Variants in DYNC2H1 observed in about 807,000 individuals in gnomAD.
The protein encoded by DYNC2H1 is cytoplasmic dynein 2 heavy chain 1.
DYNC2H1 carries 410 observed loss-of-function variants against 570.0 expected under a neutral mutation model. The ratio of observed to expected loss-of-function variants is 0.72; its 90% CI spans 0.66 to 0.78. DYNC2H1 has a LOEUF of 0.78. Among genes scored for constraint, DYNC2H1 ranks in the 30% least tolerant of loss-of-function variants. The probability of loss-of-function intolerance (pLI) is 0.00; values close to 1 mark genes in which losing one functional copy is unlikely to be tolerated. For missense variants in DYNC2H1, 4,865 were observed against 5,046.4 expected (o/e 0.96, Z 1.09); for synonymous variants, 1,688 against 1,677.6 (o/e 1.01, Z -0.15).
chr11:103,304,288 CATAGTT>C lies in DYNC2H1; in HGVS notation c.11257-305_11257-300del, dbSNP rs143175468. 0.011 allele frequency among the ~76,000 whole-genome samples: 1,708 copies of C among 152,190 alleles called. 36 individuals carry two copies. Among genetic ancestry groups the C allele is most frequent in the African/African-American group, 0.039 (1,599 of 41,530 alleles). Reference sequence around the variant, plus strand: ...CTAAGTCTAGAGAGTTCTAGTCAATCATAGTTAGAGTAGATTAGTTTATACATTAGG... The same window carrying C: ...CTAAGTCTAGAGAGTTCTAGTCAATCAGAGTAGATTAGTTTATACATTAGG... On this transcript the variant is annotated intron_variant, in intron 76 of 88. Transcript: ENST00000375735.
chr11:103,163,761 C>T lies in DYNC2H1; in HGVS notation c.4611+614C>T, dbSNP rs1179972631. On this transcript the variant is annotated intron_variant, in intron 30 of 88. Transcript: ENST00000375735. The surrounding 1 kb of genome is among the most constrained non-coding windows in gnomAD (Gnocchi z 4.6). Reference sequence around the variant, plus strand: ...GGGCCAGACTGTTACAGGTGTAGGTCATCAGGAACTTTAGTTCTTAGGGAC... The same window carrying T: ...GGGCCAGACTGTTACAGGTGTAGGTTATCAGGAACTTTAGTTCTTAGGGAC... Among the ~76,000 whole-genome samples the T allele has an allele frequency of 2.0e-5, 3 of 152,086 alleles. No individual in the cohort carries two copies. The East Asian group carries it at 5.8e-4, about 29-fold the overall frequency.
chr11:103,154,397 C>T, intron 22 of DYNC2H1, 54 bp from the exon 23 acceptor site: 3 of 1,405,598 alleles, frequency 2.1e-6, no homozygotes, highest in South Asian at 2.8e-5. Flanking sequence ...TGATACTTAA[C>T]AGTATCAATA....
At chr11:103,197,191 G>A (rs1426186703) in intron 47 of DYNC2H1, among the ~76,000 whole-genome samples, 1 of 151,864 alleles carries the variant, frequency 6.6e-6, no homozygotes, top group Non-Finnish European at 1.5e-5. Context: ...CCTTTCTCAA[G>A]GAGAGTTTTG....
chr11:103,288,150 C>T (rs950473390), intron 75 of DYNC2H1, among the ~76,000 whole-genome samples: 2 of 152,116 alleles, frequency 1.3e-5, no homozygotes, highest in Non-Finnish European at 2.9e-5. Context: ...CAGACTCTTG[C>T]AGCCACAGGC....
intron 85 of DYNC2H1, among the ~76,000 whole-genome samples, chr11:103,437,499 G>C (rs1010807297): frequency 2.8e-5 from 3 of 106,568 alleles, no homozygotes; most frequent in African/African-American, 1.3e-4. Flanking sequence ...TGGATTGTAG[G>C]ATTGTTAAAG....
intron 39 of DYNC2H1, among the ~76,000 whole-genome samples, chr11:103,180,285 T>C (rs1861795535): frequency 6.6e-6 from 1 of 151,602 alleles, no homozygotes; most frequent in South Asian, 2.1e-4. Context: ...ATTACGCACC[T>C]GAGGAGAGAG....
Position 103,121,479 on chromosome 11 carries a change from C to T in DYNC2H1, c.1468C>T (p.Arg490Cys), listed in dbSNP as rs994934642. Residue 490 changes from arginine to cysteine, a missense_variant, in exon 10 of 89, where the codon CGC becomes TGC. By Grantham distance (180) the Arg-to-Cys change is radical. Coordinates refer to ENST00000375735, the MANE Select transcript of DYNC2H1 (RefSeq NM_001377.3). ...SEVVNSIVWVRQLELKVDDTI... is the reference protein window; with the variant it reads ...SEVVNSIVWVCQLELKVDDTI... ...AGTTGTCAACAGTATAGTTTGGGTT[C>T]GCCAGTTGGAATTGAAGGTATTTAT... 26 of 1,610,726 alleles carry T rather than the reference C, an allele frequency of 1.6e-5. No homozygotes were observed. Among genetic ancestry groups the T allele is most frequent in the East Asian group, 1.1e-4 (5 of 44,776 alleles).
At chr11:103,331,800 G>GC (rs1938810567) in intron 82 of DYNC2H1, among the ~76,000 whole-genome samples, 1 of 152,150 alleles carries the variant, frequency 6.6e-6, no homozygotes, top group Non-Finnish European at 1.5e-5. Context: ...AGTGGCTCAC[G>GC]CCCGTAATCC....
chr11:103,140,887 G>T (rs931247038), intron 17 of DYNC2H1, among the ~76,000 whole-genome samples: 2 of 152,094 alleles, frequency 1.3e-5, no homozygotes, highest in Admixed American at 6.5e-5. Context: ...CATGTTTCTT[G>T]GGGGCTTTGC....
At position 103,205,996 on chromosome 11, in the gene DYNC2H1, T is replaced by C. The variant is rs1208463515; in HGVS notation, c.8454+1032T>C. ...AGAAATATTCTGACTCATTTTTTAA[T>C]GGGATTACTGTAGTTTCTGTGCTGA... On this transcript the variant is annotated intron_variant, in intron 52 of 88. Coordinates refer to ENST00000375735, the MANE Select transcript of DYNC2H1 (RefSeq NM_001377.3). This position sits in a 1 kb window ranked among gnomAD's most constrained non-coding sequence, Gnocchi z 4.5. Among the ~76,000 whole-genome samples, 2 of 152,162 alleles carry C rather than the reference T, an allele frequency of 1.3e-5. No homozygotes were observed. Among genetic ancestry groups the C allele is most frequent in the African/African-American group, 4.8e-5 (2 of 41,426 alleles).
At chr11:103,350,362 T>C (rs1258749491) in intron 82 of DYNC2H1, among the ~76,000 whole-genome samples, 1 of 152,162 alleles carries the variant, frequency 6.6e-6, no homozygotes, top group East Asian at 1.9e-4. Context: ...AACTGATGAT[T>C]TAGTATTTTT....
intron 23 of DYNC2H1, 21 bp downstream of exon 23, chr11:103,154,627 T>G: frequency 6.3e-7 from 1 of 1,579,922 alleles, no homozygotes; most frequent in Non-Finnish European, 8.6e-7. Flanking sequence ...AAAACAATAT[T>G]TAGACTAATA....
chr11:103,217,124 A>G (rs1389083296), intron 55 of DYNC2H1, among the ~76,000 whole-genome samples: 1 of 152,142 alleles, frequency 6.6e-6, no homozygotes, highest in Non-Finnish European at 1.5e-5. Flanking sequence ...TTTTATGAAA[A>G]TTAACTTTAA....
chr11:103,138,154 C>A (rs1194356238), intron 17 of DYNC2H1, among the ~76,000 whole-genome samples: 25 of 151,816 alleles, frequency 1.6e-4, no homozygotes, highest in African/African-American at 4.8e-4. Context: ...TTCTAGATAT[C>A]CAATCATGTC....
intron 87 of DYNC2H1, among the ~76,000 whole-genome samples, chr11:103,463,108 C>T (rs188403443): frequency 6.6e-6 from 1 of 152,056 alleles, no homozygotes; most frequent in East Asian, 1.9e-4. Flanking sequence ...AACTGAGAAC[C>T]GCTGAAGATG....
In DYNC2H1 at chr11:103,133,700, G is replaced by A. The variant is rs1859388663; in HGVS notation, c.2099G>A (p.Cys700Tyr). The change falls in exon 14 of 89, where the codon TGT (cysteine) becomes TAT (tyrosine). Residue 700 changes from cysteine (C) to tyrosine (Y), a missense_variant. Coordinates refer to ENST00000375735, the MANE Select transcript of DYNC2H1 (RefSeq NM_001377.3). This position sits in a 1 kb window ranked among gnomAD's most constrained non-coding sequence, Gnocchi z 4.8. ...CTGAGAAAATGGCACACTACATTTT[G>A]TGAAAAGGTATATTTTGTTTATAAA... ...RKLRKWHTTF[C>Y]EKVVVLMNID... 6.3e-7 allele frequency: 1 copy of A among 1,599,346 alleles called. No homozygotes were observed. Among genetic ancestry groups the A allele is most frequent in the Non-Finnish European group, 8.5e-7 (1 of 1,172,496 alleles).
chr11:103,115,838 A>G (rs150038542), intron 4 of DYNC2H1, among the ~76,000 whole-genome samples: 3 of 152,288 alleles, frequency 2.0e-5, no homozygotes, highest in Admixed American at 6.5e-5. Context: ...CTGCAGGTAT[A>G]TAGTGAAAAA....
chr11:103,288,374 AC>A (rs935725318), intron 75 of DYNC2H1, among the ~76,000 whole-genome samples: 30 of 152,056 alleles, frequency 2.0e-4, no homozygotes, highest in African/African-American at 6.8e-4. Context: ...CTTGCTTCTA[AC>A]CTATAAGCTA....
chr11:103,206,749 G>A (rs996413858), intron 52 of DYNC2H1, among the ~76,000 whole-genome samples: 3 of 152,154 alleles, frequency 2.0e-5, no homozygotes, highest in East Asian at 1.9e-4. Flanking sequence ...TGTGGAAATC[G>A]TTGGTGACTT....
Sources: gnomAD v4.1 joint callset for allele counts (sites outside exome capture counted in the v4.1 genomes callset) on GRCh38, gnomAD v4.1.1 for gene constraint, Gnocchi (gnomAD v3.1) non-coding constraint, MANE v1.5 for transcripts, NCBI Gene and HGNC (gene_info 2026-07-23, HGNC 2026-07-21) for gene names.